TMEM209: variants seen among roughly 807,000 people sequenced by gnomAD.
TMEM209 encodes testicular tissue protein Li 202.
In TMEM209, 65 loss-of-function variants were observed where a neutral mutation model predicts 76.2. The ratio of observed to expected loss-of-function variants is 0.85; its 90% CI spans 0.70 to 1.05. The LOEUF is 1.05. TMEM209 is among the 50% of genes least tolerant of loss of function. The probability of loss-of-function intolerance (pLI) is 0.00; values close to 1 mark genes in which losing one functional copy is unlikely to be tolerated. For missense variants in TMEM209, 623 were observed against 685.5 expected (o/e 0.91, Z 1.02); for synonymous variants, 239 against 237.6 (o/e 1.01, Z -0.06).
chr7:130,184,432 TCA>T (rs1299502786), intron 7 of TMEM209, among the ~76,000 whole-genome samples, 177 bp from the exon 8 acceptor site: 2 of 152,270 alleles, frequency 1.3e-5, no homozygotes, highest in Non-Finnish European at 2.9e-5. Context: ...TAAATGCTGT[TCA>T]CACACAGATT....
At chr7:130,181,542 G>T in intron 9 of TMEM209, 81 bp downstream of exon 9, 1 of 1,227,688 alleles carries the variant, frequency 8.1e-7, no homozygotes, top group Non-Finnish European at 1.2e-6. Context: ...AACAAAATAA[G>T]TTAAGCCGTC....
rs890095452 is a variant in TMEM209, at chr7:130,185,332, T to G, written c.811A>C (p.Thr271Pro). The G allele has an allele frequency of 3.7e-6, 6 of 1,613,908 alleles. No homozygotes were observed. Among genetic ancestry groups the G allele is most frequent in the East Asian group, 2.2e-5 (1 of 44,874 alleles). ...ATAGAACGACTATAGTTCCAGAAAG[T>G]AGGACTGCTGGAAGGAGAGGTAGAA... Reference protein sequence around the residue: ...PDSTSPSSSPTFWNYSRSMGD... With the variant: ...PDSTSPSSSPPFWNYSRSMGD... Residue 271 changes from threonine (T) to proline (P), a missense_variant, in exon 7 of 15, where the codon ACT (threonine) becomes CCT (proline). Thr to Pro is a conservative substitution (Grantham distance 38, BLOSUM62 -1). Coordinates refer to ENST00000397622, the MANE Select transcript of TMEM209 (RefSeq NM_032842.4).
Position 130,204,006 on chromosome 7 carries a change from A to C in TMEM209, c.108T>G (p.Asn36Lys), listed in dbSNP as rs763224860. The change falls in exon 2 of 15, where the codon AAT becomes AAG. Residue 36 changes from asparagine (N) to lysine (K), a missense_variant. Asn to Lys is a moderately conservative substitution (Grantham distance 94, BLOSUM62 0). Coordinates refer to ENST00000397622, the MANE Select transcript of TMEM209 (RefSeq NM_032842.4). ...TATATATCATTCCAGCCATAGATAC[A>C]TTTAGGAGTCCCCAGGCTAAGACCA... ...RKVVLAWGLLNVSMAGMIYTE... is the reference protein window; with the variant it reads ...RKVVLAWGLLKVSMAGMIYTE... 11 of 1,613,850 alleles carry C rather than the reference A, an allele frequency of 6.8e-6. No homozygotes were observed. The highest frequency in any genetic ancestry group is 1.6e-4 in the Middle Eastern group (1 of 6,062).
At chr7:130,169,228 A>C (rs950746433) in intron 14 of TMEM209, among the ~76,000 whole-genome samples, 12 of 151,200 alleles carry the variant, frequency 7.9e-5, no homozygotes, top group African/African-American at 2.7e-4. Flanking sequence ...ATAAATGTTC[A>C]TATTTGTTTA....
At chr7:130,175,149 T>C (rs538292809) in intron 11 of TMEM209, 78 of 170,420 alleles carry the variant, frequency 4.6e-4, no homozygotes, top group Admixed American at 1.4e-3. Context: ...AATCCAGTAA[T>C]GGAAACTGAA....
chr7:130,204,016 C>A lies in TMEM209; in HGVS notation c.98G>T (p.Gly33Val). The change falls in exon 2 of 15, where the codon GGA becomes GTA. Residue 33 changes from glycine to valine, a missense_variant. Gly to Val is a moderately radical substitution (Grantham distance 109, BLOSUM62 -3). Transcript: ENST00000397622. ...TCCAGCCATAGATACATTTAGGAGT[C>A]CCCAGGCTAAGACCACTTTCCTAGC... Reference protein sequence around the residue: ...TEARKVVLAWGLLNVSMAGMI... With the variant: ...TEARKVVLAWVLLNVSMAGMI... 6.2e-7 allele frequency: 1 copy of A among 1,613,664 alleles called. No homozygotes were observed. Among genetic ancestry groups the A allele is most frequent in the Non-Finnish European group, 8.5e-7 (1 of 1,179,748 alleles).
chr7:130,198,380 G>A (rs1309409318), intron 5 of TMEM209, among the ~76,000 whole-genome samples: 1 of 152,136 alleles, frequency 6.6e-6, no homozygotes, highest in Non-Finnish European at 1.5e-5. Flanking sequence ...GGAGGCTGAG[G>A]TGGGCGGATC....
At chr7:130,184,586 A>G (rs1797532090) in intron 7 of TMEM209, among the ~76,000 whole-genome samples, 1 of 150,244 alleles carries the variant, frequency 6.7e-6, no homozygotes, top group South Asian at 2.1e-4. Flanking sequence ...TCTGCCTCCC[A>G]GGTTCAAGCA....
rs1755836585 is a variant in TMEM209, at chr7:130,192,808, G to A, written c.589C>T (p.Pro197Ser). Residue 197 changes from proline (P) to serine (S), a missense_variant, in exon 6 of 15, where the codon CCC becomes TCC. By Grantham distance (74) the Pro-to-Ser change is moderately conservative. Transcript: ENST00000397622. ...GTAGGGTACGGAGAAGGAGGAGAGG[G>A]GCTAAAGCTCGCCAACTATACAAAA... ...SGYNKLASFS[P>S]SPPSPYPTTV... The A allele has an allele frequency of 1.9e-6, 3 of 1,613,718 alleles. No individual in the cohort carries two copies. Among genetic ancestry groups the A allele is most frequent in the East Asian group, 4.5e-5 (2 of 44,876 alleles).
chr7:130,193,300 C>CT (rs1401288606), intron 5 of TMEM209, among the ~76,000 whole-genome samples: 1 of 152,148 alleles, frequency 6.6e-6, no homozygotes, highest in Non-Finnish European at 1.5e-5. Context: ...AATCCCAGCA[C>CT]TTTTGGAGGC....
intron 14 of TMEM209, among the ~76,000 whole-genome samples, chr7:130,167,185 G>A (rs548508374): frequency 6.6e-6 from 1 of 152,232 alleles, no homozygotes; most frequent in East Asian, 1.9e-4. Flanking sequence ...GGGGAATACA[G>A]TCCACTTCGA....
Position 130,175,715 on chromosome 7 carries a change from G to A in TMEM209, c.1247-106C>T, listed in dbSNP as rs1025103981. 1.1e-5 allele frequency: 9 copies of A among 822,956 alleles called. No homozygotes were observed. The African/African-American group carries it at 1.4e-4, about 13-fold the overall frequency. The allele number at this position is 822,956 out of a possible 1,614,324, so 51.0% of individuals were successfully genotyped here. Reference sequence around the variant, plus strand: ...GGGAAGCAAATCATTTAAAAAACTTGATCAAAACACCCAAACCTAAAGAAA... The same window carrying A: ...GGGAAGCAAATCATTTAAAAAACTTAATCAAAACACCCAAACCTAAAGAAA... On this transcript the variant is annotated intron_variant, in intron 10 of 14. Coordinates refer to ENST00000397622, the MANE Select transcript of TMEM209 (RefSeq NM_032842.4).
At chr7:130,189,941 C>A (rs1797736240) in intron 6 of TMEM209, among the ~76,000 whole-genome samples, 1 of 152,134 alleles carries the variant, frequency 6.6e-6, no homozygotes, top group African/African-American at 2.4e-5. Flanking sequence ...GACTCTGGAG[C>A]TAGCCAGGGA....
chr7:130,170,618 C>G (rs928766424), intron 13 of TMEM209, 145 bp from the exon 14 acceptor site: 9 of 676,204 alleles, frequency 1.3e-5, no homozygotes, highest in Admixed American at 5.8e-5. Flanking sequence ...AACAAAGTAC[C>G]TACGCTTTGT....
intron 13 of TMEM209, among the ~76,000 whole-genome samples, chr7:130,170,811 A>T (rs1325845834): frequency 6.6e-6 from 1 of 152,026 alleles, no homozygotes; most frequent in Non-Finnish European, 1.5e-5. Context: ...TAGCGACAGA[A>T]TGCCTCCCTG....
intron 5 of TMEM209, among the ~76,000 whole-genome samples, chr7:130,196,104 T>G (rs1329585669): frequency 6.6e-6 from 1 of 152,102 alleles, no homozygotes; most frequent in Non-Finnish European, 1.5e-5. Flanking sequence ...AGAAGATGGG[T>G]AAAAGATACA....
At chr7:130,199,950 A>G (rs115610581) in intron 5 of TMEM209, 1 of 152,316 alleles carries the variant, frequency 6.6e-6, no homozygotes, top group African/African-American at 2.4e-5. Flanking sequence ...CTCCAAGTCA[A>G]TCAAGGTAAA....
At chr7:130,176,115 C>CT (rs71178559) in intron 10 of TMEM209, among the ~76,000 whole-genome samples, 34,881 of 140,366 alleles carry the variant, frequency 0.25, 4,912 homozygotes, top group African/African-American at 0.35. Context: ...TCACTGTATT[C>CT]TTTTTTTTTT....
intron 5 of TMEM209, among the ~76,000 whole-genome samples, chr7:130,198,708 A>G (rs1425742723): frequency 6.6e-6 from 1 of 152,242 alleles, no homozygotes; most frequent in African/African-American, 2.4e-5. Flanking sequence ...CTGATACTGA[A>G]GCATTCTTGT....
Sources: allele counts gnomAD v4.1 joint callset (sites outside exome capture counted in the v4.1 genomes callset), GRCh38; gene constraint gnomAD v4.1.1; transcripts MANE v1.5; gene names NCBI Gene and HGNC (gene_info 2026-07-23, HGNC 2026-07-21).